ACLY: variants seen among roughly 807,000 people sequenced by gnomAD.
ACLY encodes ATP citrate lyase.
In ACLY, 41 loss-of-function variants were observed where a neutral mutation model predicts 133.0. That is an observed-to-expected ratio of 0.31 (90% confidence interval 0.24 to 0.40). The LOEUF (loss-of-function observed/expected upper bound fraction) is 0.40. Among genes scored for constraint, ACLY ranks in the 10% least tolerant of loss-of-function variants. ACLY has a pLI of 1.00. For missense variants in ACLY, 1,046 were observed against 1,453.8 expected (o/e 0.72, Z 4.56); for synonymous variants, 495 against 549.3 (o/e 0.90, Z 1.38).
At chr17:41,923,437 T>C (rs2050205252), upstream of ACLY, among the ~76,000 whole-genome samples, 1 of 152,214 alleles carries the variant, frequency 6.6e-6, no homozygotes, top group South Asian at 2.1e-4. Context: ...CAGCAGCCAC[T>C]TGAGCTAACT....
chr17:41,881,709 G>C (rs923573789), intron 20 of ACLY, among the ~76,000 whole-genome samples: 4 of 152,016 alleles, frequency 2.6e-5, no homozygotes, highest in Non-Finnish European at 4.4e-5. Context: ...CAATTCTCCT[G>C]CCTCAGCCTC....
intron 2 of ACLY, 22 bp from the exon 3 acceptor site, chr17:41,912,564 T>C: frequency 6.2e-7 from 1 of 1,613,908 alleles, no homozygotes; most frequent in Non-Finnish European, 8.5e-7. Flanking sequence ...GCGGTTTGTA[T>C]TTAGAGTGAG....
chr17:41,871,273 T>C (rs1470398246), intron 25 of ACLY, among the ~76,000 whole-genome samples: 1 of 152,212 alleles, frequency 6.6e-6, no homozygotes, highest in Non-Finnish European at 1.5e-5. Context: ...GCTTTGTATG[T>C]TGGAGTTGAA....
chr17:41,929,809 T>C (rs1041657701), intron 1 of ACLY, among the ~76,000 whole-genome samples: 1 of 152,098 alleles, frequency 6.6e-6, no homozygotes, highest in Non-Finnish European at 1.5e-5. Context: ...ACCAGAAAAT[T>C]GACACTGATA....
At chr17:41,893,238 A>G in intron 14 of ACLY, 64 bp from the exon 15 acceptor site, 2 of 1,538,328 alleles carry the variant, frequency 1.3e-6, no homozygotes, top group South Asian at 1.3e-5. Context: ...TGCAGGGGCC[A>G]GGGCTGCCTG....
At chr17:41,867,990 A>C in intron 28 of ACLY, 86 bp from the exon 29 acceptor site, 1 of 960,406 alleles carries the variant, frequency 1.0e-6, no homozygotes, top group Non-Finnish European at 1.6e-6. Flanking sequence ...TCTTTCTAAC[A>C]CACAAAAAAA....
At chr17:41,877,292 C>A (rs1029884178) in intron 22 of ACLY, among the ~76,000 whole-genome samples, 1 of 151,984 alleles carries the variant, frequency 6.6e-6, no homozygotes, top group African/African-American at 2.4e-5. Flanking sequence ...AGGAGCCCAC[C>A]ACCGCGCCTG....
intron 6 of ACLY, 79 bp from the exon 7 acceptor site, chr17:41,907,651 A>C: frequency 1.3e-6 from 2 of 1,525,058 alleles, no homozygotes; most frequent in African/African-American, 1.4e-5. Context: ...CTCCACAAAC[A>C]CCGATCCCAT....
chr17:41,906,734 A>G (rs2144381871), intron 7 of ACLY, 88 bp from the exon 8 acceptor site: 3 of 1,235,696 alleles, frequency 2.4e-6, no homozygotes, highest in Non-Finnish European at 1.2e-6. Context: ...TTTCCCTGGA[A>G]GCACATGAAA....
intron 20 of ACLY, among the ~76,000 whole-genome samples, chr17:41,882,375 A>AAAAAAAAAG: frequency 7.0e-6 from 1 of 142,702 alleles, no homozygotes; most frequent in South Asian, 2.2e-4. Flanking sequence ...TCCAAAAAAA[A>AAAAAAAAAG]AAAAAAAAAA....
chr17:41,900,069 CAAAAA>C lies in ACLY; in HGVS notation c.1184-1289_1184-1285del, dbSNP rs60296550. On this transcript the variant is annotated intron_variant, in intron 11 of 28. Coordinates refer to ENST00000352035, the MANE Select transcript of ACLY (RefSeq NM_001096.3). ...GGGTGACAGAGTGAGACCCTGTCTC[CAAAAA>C]AAAAAAAAAAAAAAAAAAAAAATTG... Among the ~76,000 whole-genome samples the C allele has an allele frequency of 7.7e-3, 360 of 46,604 alleles. 4 individuals carry two copies. Among genetic ancestry groups the C allele is most frequent in the African/African-American group, 0.021 (323 of 15,164 alleles). The allele number at this position is 46,604 out of a possible 152,430, so 30.6% of individuals were successfully genotyped here.
chr17:41,906,956 C>T (rs2049737345), intron 7 of ACLY, among the ~76,000 whole-genome samples: 1 of 152,200 alleles, frequency 6.6e-6, no homozygotes, highest in African/African-American at 2.4e-5. Flanking sequence ...GCCCTCACCC[C>T]AGCATCTGCC....
chr17:41,906,456 C>T (rs1181980649), intron 8 of ACLY, 72 bp downstream of exon 8: 1 of 1,357,312 alleles, frequency 7.4e-7, no homozygotes, highest in Non-Finnish European at 1.0e-6. Context: ...AGGACCCCAC[C>T]CACCCAGGCT....
chr17:41,927,485 C>G (rs1449501386), intron 1 of ACLY, among the ~76,000 whole-genome samples: 3 of 152,100 alleles, frequency 2.0e-5, no homozygotes, highest in African/African-American at 7.2e-5. Flanking sequence ...CACACCCGGC[C>G]ACATTTAAAT....
chr17:41,914,903 T>A (rs891693147), intron 1 of ACLY, among the ~76,000 whole-genome samples: 14 of 152,082 alleles, frequency 9.2e-5, no homozygotes, highest in African/African-American at 3.4e-4. Context: ...AAGAAACTCA[T>A]CTCATATGAG....
In ACLY at chr17:41,896,620, C is replaced by T; in HGVS notation, c.1459G>A (p.Gly487Arg). Residue 487 changes from glycine to arginine, a missense_variant and splice_region_variant, in exon 14 of 29, where the codon GGA (glycine) becomes AGA (arginine). Physicochemically the swap from Gly to Arg is moderately radical, Grantham distance 125. Coordinates refer to ENST00000352035, the MANE Select transcript of ACLY (RefSeq NM_001096.3). The stretch of plus-strand genomic sequence containing the variant: ...TGGGGGCAGGGTGGGGGCATCCTAC[C>T]TTGCAGGGATCTTGGACTTGGGACT... ...DSVPSPRSLQ[G>R]KSTTLFSRHT... is the part of the protein sequence containing the mutation. 5 of 1,567,834 alleles carry T rather than the reference C, an allele frequency of 3.2e-6. No individual in the cohort carries two copies. Among genetic ancestry groups the T allele is most frequent in the African/African-American group, 1.4e-5 (1 of 73,292 alleles).
chr17:41,901,582 G>A (rs2049542106), intron 11 of ACLY, 114 bp downstream of exon 11: 3 of 858,524 alleles, frequency 3.5e-6, no homozygotes, highest in Non-Finnish European at 5.6e-6. Context: ...TGCACACCCA[G>A]GAAGGGGAGT....
intron 11 of ACLY, among the ~76,000 whole-genome samples, chr17:41,899,719 C>A (rs555851654): frequency 3.3e-5 from 5 of 152,210 alleles, no homozygotes; most frequent in African/African-American, 4.8e-5. Flanking sequence ...AGGCCTGCCC[C>A]ACTGCACATA....
At chr17:41,873,748 G>C in intron 23 of ACLY, 63 bp downstream of exon 23, 4 of 1,471,994 alleles carry the variant, frequency 2.7e-6, no homozygotes, top group Non-Finnish European at 3.6e-6. Flanking sequence ...CCACCCCTTT[G>C]TTGGGGGAAA....
Sources: allele counts gnomAD v4.1 joint callset (sites outside exome capture counted in the v4.1 genomes callset), GRCh38; gene constraint gnomAD v4.1.1; transcripts MANE v1.5; gene names NCBI Gene and HGNC (gene_info 2026-07-23, HGNC 2026-07-21).